Variants in WDCP observed in about 807,000 individuals in gnomAD.
WDCP encodes the protein WD repeat and coiled-coil-containing protein.
In WDCP, 19 loss-of-function variants were observed where a neutral mutation model predicts 41.6. That is an observed-to-expected ratio of 0.46 (90% CI 0.32 to 0.67). WDCP has a LOEUF of 0.67. Among genes scored for constraint, WDCP ranks in the 30% least tolerant of loss-of-function variants. The pLI, the probability that WDCP is intolerant of heterozygous loss-of-function variation, is 0.04. For missense variants in WDCP, 802 were observed against 850.7 expected, an observed-to-expected ratio of 0.94 and a Z score of 0.71; for synonymous variants, 302 against 320.8, an observed-to-expected ratio of 0.94 and a Z score of 0.63.
At chr2:24,037,654 T>C in intron 2 of WDCP, 23 bp downstream of exon 2, 1 of 1,586,056 alleles carries the variant, frequency 6.3e-7, no homozygotes, top group Non-Finnish European at 8.5e-7. Context: ...TGTATAGTGG[T>C]AGTTCCTCAA....
rs1347500435 is a variant in WDCP, at chr2:24,039,206, A to T, written c.289T>A (p.Ser97Thr). Residue 97 changes from serine (S) to threonine (T), a missense_variant, in exon 2 of 4, where the codon TCA becomes ACA. Coordinates refer to ENST00000295148, the MANE Select transcript of WDCP (RefSeq NM_025203.3). ...GTCTGAGACGTCAGCCATTTGCTTG[A>T]CTCCATAGGGCTGGGACACAGCTGC... ...VWQLCPSPME[S>T]SKWLTSQTCE... The T allele has an allele frequency of 6.2e-7, 1 of 1,613,822 alleles. No individual in the cohort carries two copies. Among genetic ancestry groups the T allele is most frequent in the East Asian group, 2.2e-5 (1 of 44,886 alleles).
In WDCP at chr2:24,038,400, C is replaced by T. The variant is rs564999222; in HGVS notation, c.1095G>A (p.Leu365=). 3 of 1,614,028 alleles carry T rather than the reference C, an allele frequency of 1.9e-6. No individual in the cohort carries two copies. The highest frequency in any genetic ancestry group is 1.3e-5 in the African/African-American group (1 of 74,936). ...CTGAAGATGGAATGACAGAGTAGAT[C>T]AAAATTATATTACAAGTGTTGGAAG... ...AVASNTCNII[L]IYSVIPSSVP... is the part of the protein sequence containing the mutation. Residue 365 remains leucine, a synonymous_variant, in exon 2 of 4, where the codon TTG becomes TTA. Transcript: ENST00000295148.
Position 24,038,109 on chromosome 2 carries a change from C to T in WDCP, c.1386G>A (p.Lys462=). 1.2e-6 allele frequency: 2 copies of T among 1,614,180 alleles called. No individual in the cohort carries two copies. The highest frequency in any genetic ancestry group is 1.7e-6 in the Non-Finnish European group (2 of 1,180,022). The change falls in exon 2 of 4, where the codon AAG becomes AAA. Residue 462 remains lysine, a synonymous_variant. Transcript: ENST00000295148. ...AATCTGGGGAAAGACTTTCAATTAA[C>T]TTTTTTCTATTTGCTTTATTTAACG... ...SAPLNKANRK[K]LIESLSPDFC...
rs1345513187 is a variant in WDCP at position 24,031,128 on chromosome 2, C to T, written c.1971G>A (p.Glu657=). ...CTGTGAAGGTTAACGGGATAAAGCCCTCACTGTCAGCAGAGAGAAGAATCC... is the reference window on the plus strand; with the variant it reads ...CTGTGAAGGTTAACGGGATAAAGCCTTCACTGTCAGCAGAGAGAAGAATCC... ...SHWILLSADS[E]GFIPLTFTAT... The change falls in exon 4 of 4, where the codon GAG becomes GAA. Residue 657 remains glutamate, a synonymous_variant. Transcript: ENST00000295148. 2.5e-6 allele frequency: 4 copies of T among 1,613,968 alleles called. No homozygotes were observed. The African/African-American group carries it at 5.3e-5, about 22-fold the overall frequency.
In WDCP at chr2:24,039,078, GA is replaced by G; in HGVS notation, c.416del (p.Phe139SerfsTer11). On this transcript the variant is annotated frameshift_variant, in exon 2 of 4. Transcript: ENST00000295148. LOFTEE classifies it high-confidence loss of function. Reference protein sequence around the residue: ...TVLTAQDVSIFPNVHSDDSQV... With the variant: ...TVLTAQDVSIXPNVHSDDSQV... ...GGGAATCATCAGAGTGAACATTAGG[GA>G]AAATGGAGACATCCTGAGCAGTCAA... The G allele has an allele frequency of 6.2e-7, 1 of 1,614,058 alleles. No homozygotes were observed. The highest frequency in any genetic ancestry group is 2.2e-5 in the East Asian group (1 of 44,900).
intron 1 of WDCP, among the ~76,000 whole-genome samples, chr2:24,043,823 C>T (rs1333946580): frequency 6.6e-6 from 1 of 151,954 alleles, no homozygotes; most frequent in Non-Finnish European, 1.5e-5. Context: ...TGGTGATTTG[C>T]TTATCTGTAA....
At chr2:24,032,309 C>T (rs1663119141) in intron 3 of WDCP, among the ~76,000 whole-genome samples, 1 of 152,194 alleles carries the variant, frequency 6.6e-6, no homozygotes, top group Non-Finnish European at 1.5e-5. Flanking sequence ...CTGAGCTCAG[C>T]CTGGGCAACA....
At position 24,038,057 on chromosome 2, in the gene WDCP, G is replaced by C. The variant is rs1163943164; in HGVS notation, c.1438C>G (p.Leu480Val). Residue 480 changes from leucine to valine, a missense_variant, in exon 2 of 4, where the codon CTG becomes GTG. Physicochemically the swap from Leu to Val is conservative, Grantham distance 32. Coordinates refer to ENST00000295148, the MANE Select transcript of WDCP (RefSeq NM_025203.3). Reference protein sequence around the residue: ...DFCHQNKGLLLTVNTSSQNGR... With the variant: ...DFCHQNKGLLVTVNTSSQNGR... ...TTCTGACTACTGGTATTAACTGTCAGCAACAGCCCTTTGTTTTGGTGACAA... is the reference window on the plus strand; with the variant it reads ...TTCTGACTACTGGTATTAACTGTCACCAACAGCCCTTTGTTTTGGTGACAA... 2 of 1,614,094 alleles carry C rather than the reference G, an allele frequency of 1.2e-6. No individual in the cohort carries two copies. The highest frequency in any genetic ancestry group is 2.2e-5 in the South Asian group (2 of 91,074).
intron 1 of WDCP, among the ~76,000 whole-genome samples, chr2:24,046,546 T>G (rs996516896): frequency 2.0e-5 from 3 of 152,142 alleles, no homozygotes; most frequent in Non-Finnish European, 4.4e-5. Flanking sequence ...TTTAATTCTG[T>G]TTTTCATCTT....
At chr2:24,037,356 T>C (rs1663286808) in intron 2 of WDCP, among the ~76,000 whole-genome samples, 1 of 152,266 alleles carries the variant, frequency 6.6e-6, no homozygotes. Context: ...GGAGTATCTC[T>C]ATTATATAAG....
At chr2:24,031,336 G>A (rs1468991115) in intron 3 of WDCP, among the ~76,000 whole-genome samples, 174 bp from the exon 4 acceptor site, 2 of 152,108 alleles carry the variant, frequency 1.3e-5, no homozygotes, top group African/African-American at 4.8e-5. Context: ...TATTACTTAG[G>A]GTCAGGTAGG....
intron 1 of WDCP, among the ~76,000 whole-genome samples, chr2:24,040,743 G>A (rs776340842): frequency 1.3e-5 from 2 of 152,186 alleles, no homozygotes; most frequent in Non-Finnish European, 2.9e-5. Context: ...AGGGCTGGGC[G>A]TGGTGACTCA....
Position 24,039,282 on chromosome 2 carries a change from A to G in WDCP, c.213T>C (p.Asp71=), listed in dbSNP as rs1388887064. ...CGLSWAPPVA[D]DTPVLLAVQH... ...GGACAGCGAGTAGAACAGGTGTATCATCTGCAACAGGTGGGGCCCAGGACA... is the reference window on the plus strand; with the variant it reads ...GGACAGCGAGTAGAACAGGTGTATCGTCTGCAACAGGTGGGGCCCAGGACA... Residue 71 remains aspartate (D), a synonymous_variant, in exon 2 of 4, where the codon GAT becomes GAC. Transcript: ENST00000295148. The G allele has an allele frequency of 2.5e-6, 4 of 1,614,232 alleles. No homozygotes were observed. The highest frequency in any genetic ancestry group is 2.5e-6 in the Non-Finnish European group (3 of 1,180,034).
intron 3 of WDCP, among the ~76,000 whole-genome samples, chr2:24,031,731 C>G (rs1431402582): frequency 1.3e-5 from 2 of 151,416 alleles, no homozygotes; most frequent in Non-Finnish European, 2.9e-5. Flanking sequence ...GAGGCTGAGG[C>G]AGGAGAATCG....
intron 2 of WDCP, among the ~76,000 whole-genome samples, chr2:24,034,394 T>C (rs926288058): frequency 3.3e-5 from 5 of 152,162 alleles, no homozygotes; most frequent in Admixed American, 2.6e-4. Context: ...CACTCCGGCC[T>C]GGGTGACAAA....
chr2:24,037,608 G>A (rs749964768), intron 2 of WDCP, 69 bp downstream of exon 2: 18 of 1,442,736 alleles, frequency 1.2e-5, no homozygotes, highest in South Asian at 1.2e-4. Flanking sequence ...TCATCAATAC[G>A]TTTCTTGCAG....
chr2:24,042,288 A>G (rs2150953410), intron 1 of WDCP, among the ~76,000 whole-genome samples: 1 of 152,262 alleles, frequency 6.6e-6, no homozygotes, highest in South Asian at 2.1e-4. Context: ...CTGTAATCCC[A>G]GCACTTTGGG....
At chr2:24,043,029 G>A (rs1193996913) in intron 1 of WDCP, among the ~76,000 whole-genome samples, 8 of 76,548 alleles carry the variant, frequency 1.0e-4, no homozygotes, top group South Asian at 8.2e-4. Flanking sequence ...GTGAAACTCC[G>A]TCTCAAAAAA....
intron 1 of WDCP, among the ~76,000 whole-genome samples, chr2:24,043,110 G>A (rs1453500977): frequency 6.6e-6 from 1 of 152,080 alleles, no homozygotes; most frequent in East Asian, 1.9e-4. Context: ...AAGGCGGGTG[G>A]ATCACCTGAG....
Sources: allele counts gnomAD v4.1 joint callset (sites outside exome capture counted in the v4.1 genomes callset), GRCh38; gene constraint gnomAD v4.1.1; transcripts MANE v1.5; gene names NCBI Gene and HGNC (gene_info 2026-07-23, HGNC 2026-07-21).